The following ENPP2 variants were observed in gnomAD, a reference collection of about 807,000 sequenced individuals.
ENPP2 encodes autotaxin.
In ENPP2, 51 loss-of-function variants were observed where a neutral mutation model predicts 120.2. The observed-to-expected ratio is 0.42, with a 90% confidence interval of 0.34 to 0.54. ENPP2 has a LOEUF of 0.54. ENPP2 is among the 20% of genes least tolerant of loss of function. ENPP2 has a pLI of 0.04. For missense variants in ENPP2, 920 were observed against 1,066.5 expected (o/e 0.86, Z 1.91); for synonymous variants, 365 against 366.4 (o/e 1.00, Z 0.04).
In ENPP2 at chr8:119,586,205, G is replaced by A. The variant is rs1006563712; in HGVS notation, c.1348C>T (p.Arg450Cys). The change falls in exon 15 of 25, where the codon CGC (arginine) becomes TGC (cysteine). Residue 450 changes from arginine to cysteine, a missense_variant. Physicochemically the swap from Arg to Cys is radical, Grantham distance 180. Coordinates refer to ENST00000075322, the MANE Select transcript of ENPP2 (RefSeq NM_001040092.3). ...RIEDIHLLVE[R>C]RWHVARKPLD... The stretch of plus-strand genomic sequence containing the variant: ...AGTTACCTTGCAACATGCCATCTGC[G>A]TTCCACCAATAAATGGATATCCTCA... The A allele has an allele frequency of 9.9e-6, 16 of 1,613,842 alleles. No individual in the cohort carries two copies. The highest frequency in any genetic ancestry group is 1.6e-4 in the Middle Eastern group (1 of 6,082).
chr8:119,645,317 T>C (rs1171981847), intron 1 of ENPP2, among the ~76,000 whole-genome samples: 1 of 152,178 alleles, frequency 6.6e-6, no homozygotes, highest in African/African-American at 2.4e-5. Context: ...CCCAATTTCA[T>C]TTCTTTTCAG....
At chr8:119,586,964 G>T in intron 14 of ENPP2, 80 bp downstream of exon 14, 1 of 1,205,546 alleles carries the variant, frequency 8.3e-7, no homozygotes, top group Non-Finnish European at 1.2e-6. Flanking sequence ...TCCCCGCCGG[G>T]GGAGGCACAC....
At chr8:119,609,676 A>G (rs1814957859) in intron 8 of ENPP2, among the ~76,000 whole-genome samples, 1 of 152,156 alleles carries the variant, frequency 6.6e-6, no homozygotes, top group South Asian at 2.1e-4. Flanking sequence ...GCCAGTTCCC[A>G]AAGAGGCCAG....
Position 119,583,508 on chromosome 8 carries a change from C to T in ENPP2, c.1543+209G>A, listed in dbSNP as rs145225546. Among the ~76,000 whole-genome samples, 20 of 152,300 alleles carry T rather than the reference C, an allele frequency of 1.3e-4. No homozygotes were observed. In the East Asian group the frequency reaches 3.5e-3, roughly 26 times the overall value. On this transcript the variant is annotated intron_variant, in intron 17 of 24. Coordinates refer to ENST00000075322, the MANE Select transcript of ENPP2 (RefSeq NM_001040092.3). ...TGCCAACAGCAACACTATGAAAACGCCCCATTAGTCAACTGTTGAAGGAAG... is the reference window on the plus strand; with the variant it reads ...TGCCAACAGCAACACTATGAAAACGTCCCATTAGTCAACTGTTGAAGGAAG...
intron 3 of ENPP2, among the ~76,000 whole-genome samples, chr8:119,624,693 G>C (rs1024465898): frequency 6.6e-6 from 1 of 152,084 alleles, no homozygotes; most frequent in Non-Finnish European, 1.5e-5. Flanking sequence ...AGGACGATTT[G>C]TATAAAGATT....
intron 19 of ENPP2, among the ~76,000 whole-genome samples, chr8:119,577,392 T>C (rs1449470911): frequency 6.6e-6 from 1 of 152,140 alleles, no homozygotes; most frequent in Non-Finnish European, 1.5e-5. Flanking sequence ...ATATTTTAAA[T>C]GGGAGGCCAA....
intron 9 of ENPP2, among the ~76,000 whole-genome samples, chr8:119,605,673 G>C (rs540158665): frequency 6.7e-6 from 1 of 148,426 alleles, no homozygotes; most frequent in Non-Finnish European, 1.5e-5. Flanking sequence ...TCTCCATGTT[G>C]AATAGGCTGG....
At chr8:119,636,250 T>C (rs1215458349) in intron 2 of ENPP2, among the ~76,000 whole-genome samples, 1 of 152,244 alleles carries the variant, frequency 6.6e-6, no homozygotes, top group Non-Finnish European at 1.5e-5. Flanking sequence ...AGATCCTTTC[T>C]AAGCATATGC....
chr8:119,598,912 C>T (rs1217127548), intron 11 of ENPP2, among the ~76,000 whole-genome samples: 1 of 152,108 alleles, frequency 6.6e-6, no homozygotes, highest in Non-Finnish European at 1.5e-5. Flanking sequence ...GATGGCTATA[C>T]CAATCCGTTT....
chr8:119,588,841 A>G (rs1813302204), intron 13 of ENPP2, among the ~76,000 whole-genome samples: 1 of 152,204 alleles, frequency 6.6e-6, no homozygotes, highest in South Asian at 2.1e-4. Flanking sequence ...GGGGACATCA[A>G]TCCTTCAATT....
intron 9 of ENPP2, among the ~76,000 whole-genome samples, chr8:119,604,678 T>C (rs1346772683): frequency 1.3e-5 from 2 of 152,180 alleles, no homozygotes; most frequent in African/African-American, 4.8e-5. Flanking sequence ...TAGTCAATGT[T>C]GAAAGAGAGA....
At chr8:119,631,070 A>G (rs1816633152) in intron 2 of ENPP2, among the ~76,000 whole-genome samples, 1 of 151,136 alleles carries the variant, frequency 6.6e-6, no homozygotes, top group Admixed American at 6.6e-5. Flanking sequence ...AATTTTTTGT[A>G]TTTTTGGTAG....
chr8:119,589,580 G>A (rs1813359434), intron 13 of ENPP2, among the ~76,000 whole-genome samples: 1 of 152,112 alleles, frequency 6.6e-6, no homozygotes, highest in Non-Finnish European at 1.5e-5. Flanking sequence ...AGAAAAGGGA[G>A]GACACAGGGA....
chr8:119,605,466 A>G (rs13249947), intron 9 of ENPP2, among the ~76,000 whole-genome samples: 1,433 of 65,452 alleles, frequency 0.022, 19 homozygotes, highest in African/African-American at 0.078. Context: ...GTGTGTGTGT[A>G]TTTTTTTTTT....
chr8:119,626,708 G>C lies in ENPP2; in HGVS notation c.149C>G (p.Ser50Cys). The C allele has an allele frequency of 1.9e-6, 3 of 1,614,012 alleles. No homozygotes were observed. The highest frequency in any genetic ancestry group is 2.5e-6 in the Non-Finnish European group (3 of 1,179,926). The change falls in exon 3 of 25, where the codon TCC (serine) becomes TGC (cysteine). Residue 50 changes from serine (S) to cysteine (C), a missense_variant. Ser to Cys is a moderately radical substitution (Grantham distance 112). Transcript: ENST00000075322. ...AGATCCGGAGATGTTGGTCCAGGGG[G>C]AGTCTGATAGCACTGCAAAGAACAA... The part of the protein sequence containing the change: ...EEGPPTVLSD[S>C]PWTNISGSCK...
At chr8:119,638,616 A>T in intron 1 of ENPP2, 89 bp from the exon 2 acceptor site, 1 of 1,015,658 alleles carries the variant, frequency 9.8e-7, no homozygotes, top group East Asian at 2.4e-5. Flanking sequence ...CTTCAATATC[A>T]ACACCCAATC....
intron 7 of ENPP2, 101 bp downstream of exon 7, chr8:119,617,063 T>C (rs1815505330): frequency 2.6e-6 from 2 of 758,438 alleles, no homozygotes; most frequent in African/African-American, 1.8e-5. Context: ...AGATTTTCTT[T>C]GAACACTAAG....
rs76112859 is a variant in ENPP2 at position 119,655,197 on chromosome 8, T to C, written c.22-16670A>G. Among the ~76,000 whole-genome samples, 225 of 152,302 alleles carry C rather than the reference T, an allele frequency of 1.5e-3. 1 individual carries two copies. The highest frequency in any genetic ancestry group is 5.2e-3 in the African/African-American group (216 of 41,568). On this transcript the variant is annotated intron_variant, in intron 1 of 25. Coordinates refer to the ENPP2 transcript ENST00000427067. Reference sequence around the variant, plus strand: ...AGAGATGAAGCAATGGTTTTTTGGATTGATCAAGAAGACAGACATACGATA... The same window carrying C: ...AGAGATGAAGCAATGGTTTTTTGGACTGATCAAGAAGACAGACATACGATA...
At chr8:119,621,795 C>T (rs548562621) in intron 3 of ENPP2, among the ~76,000 whole-genome samples, 5 of 152,264 alleles carry the variant, frequency 3.3e-5, no homozygotes, top group East Asian at 1.9e-4. Flanking sequence ...CTACGATTCT[C>T]GAATTGTCCT....
Sources: gnomAD v4.1 joint callset for allele counts (sites outside exome capture counted in the v4.1 genomes callset) on GRCh38, gnomAD v4.1.1 for gene constraint, MANE v1.5 for transcripts, NCBI Gene and HGNC (gene_info 2026-07-23, HGNC 2026-07-21) for gene names.